The following STON1 variants were observed in gnomAD, a reference collection of about 807,000 sequenced individuals.
The protein encoded by STON1 is stonin 1.
In STON1, 79 loss-of-function variants were observed where a neutral mutation model predicts 60.9. The ratio of observed to expected loss-of-function variants is 1.30; its 90% CI spans 1.08 to 1.56. The LOEUF is 1.56. Ranked by LOEUF, STON1 falls within the 40% of genes most tolerant of loss-of-function variation. The pLI is 0.00. For missense variants in STON1, 1,166 were observed against 858.9 expected, an observed-to-expected ratio of 1.36 and a Z score of -4.47; for synonymous variants, 363 against 306.9, an observed-to-expected ratio of 1.18 and a Z score of -1.91.
intron 1 of STON1, among the ~76,000 whole-genome samples, chr2:48,564,733 C>CTTTCTTT (rs1553359517): frequency 1.8e-4 from 18 of 100,908 alleles, no homozygotes; most frequent in Non-Finnish European, 2.4e-4. Flanking sequence ...TTCTTTCTTT[C>CTTTCTTT]TTTTTTTTTT....
chr2:48,577,760 C>T (rs1025025004), intron 1 of STON1, among the ~76,000 whole-genome samples: 30 of 151,056 alleles, frequency 2.0e-4, no homozygotes, highest in African/African-American at 4.6e-4. Flanking sequence ...GGATTACAGG[C>T]GTCCACCACC....
In STON1 at chr2:48,535,858, G is replaced by T. The variant is rs145188930; in HGVS notation, c.-48+5642G>T. 1.1e-3 allele frequency among the ~76,000 whole-genome samples: 169 copies of T among 152,236 alleles called. 4 individuals carry two copies. In the East Asian group the frequency reaches 0.032, roughly 28 times the overall value. On this transcript the variant is annotated intron_variant, in intron 1 of 3. Coordinates refer to ENST00000404752, the MANE Select transcript of STON1 (RefSeq NM_006873.4). The stretch of plus-strand genomic sequence containing the variant: ...TCCCAGCACTTTGGGAGGCTGAGGC[G>T]GGCTGATCGCTTGAGCTCAGGAGTT...
At chr2:48,551,697 C>T (rs1399716164) in intron 1 of STON1, among the ~76,000 whole-genome samples, 1 of 152,246 alleles carries the variant, frequency 6.6e-6, no homozygotes. Context: ...TCTTGCCTTG[C>T]AAGGAGCATG....
intron 1 of STON1, among the ~76,000 whole-genome samples, chr2:48,578,826 A>G (rs574381307): frequency 1.0e-3 from 149 of 149,310 alleles, no homozygotes; most frequent in Non-Finnish European, 1.8e-3. Flanking sequence ...CCTGACCTCA[A>G]GTGATCTACC....
Position 48,581,887 on chromosome 2 carries a change from A to G in STON1, c.1254A>G (p.Glu418=), listed in dbSNP as rs987849077. The G allele has an allele frequency of 6.2e-7, 1 of 1,614,036 alleles. No homozygotes were observed. The highest frequency in any genetic ancestry group is 1.7e-5 in the Admixed American group (1 of 60,014). The part of the protein sequence containing the change: ...KNYEEQEISL[E]IVDNFWGKVT... The stretch of plus-strand genomic sequence containing the variant: ...ACGAGGAGCAAGAAATTTCCTTGGA[A>G]ATTGTGGACAACTTTTGGGGTAAAG... The change falls in exon 2 of 4, where the codon GAA becomes GAG. Residue 418 remains glutamate (E), a synonymous_variant. Coordinates refer to ENST00000404752, the MANE Select transcript of STON1 (RefSeq NM_006873.4).
At chr2:48,590,466 G>T (rs1211593379) in intron 2 of STON1, among the ~76,000 whole-genome samples, 1 of 152,138 alleles carries the variant, frequency 6.6e-6, no homozygotes, top group Non-Finnish European at 1.5e-5. Context: ...AGCTATGTCA[G>T]TGGTACAGTA....
chr2:48,564,429 T>C (rs894274937), intron 1 of STON1, among the ~76,000 whole-genome samples: 14 of 44,576 alleles, frequency 3.1e-4, no homozygotes, highest in African/African-American at 1.1e-3. Context: ...CTTCTTCTTC[T>C]TCTTCTTCTT....
At chr2:48,540,205 T>C (rs1465555951) in intron 1 of STON1, among the ~76,000 whole-genome samples, 1 of 152,178 alleles carries the variant, frequency 6.6e-6, no homozygotes, top group Non-Finnish European at 1.5e-5. Context: ...TGTTTTGAAG[T>C]GTTTGGATGG....
chr2:48,580,975 C>T lies in STON1; in HGVS notation c.342C>T (p.Leu114=), dbSNP rs763753184. 2.2e-5 allele frequency: 34 copies of T among 1,577,934 alleles called. No homozygotes were observed. The highest frequency in any genetic ancestry group is 3.4e-4 in the Middle Eastern group (2 of 5,876). The part of the protein sequence containing the change: ...PIPESSSDSP[L]AISGGESSLL... ...CAGAATCATCTTCAGACAGCCCACT[C>T]GCAATATCAGGAGGAGAATCTTCCT... The change falls in exon 2 of 4, where the codon CTC becomes CTT. Residue 114 remains leucine (L), a synonymous_variant. Transcript: ENST00000404752.
chr2:48,561,949 C>T (rs1314848442), intron 1 of STON1, among the ~76,000 whole-genome samples: 1 of 152,208 alleles, frequency 6.6e-6, no homozygotes, highest in African/African-American at 2.4e-5. Context: ...CAACCTCTGC[C>T]TCCCCGGTTC....
At position 48,578,581 on chromosome 2, in the gene STON1, C is replaced by CTTTTTTTT. The variant is rs59933765; in HGVS notation, c.-47-1988_-47-1981dup. Among the ~76,000 whole-genome samples, 9 of 46,168 alleles carry CTTTTTTTT rather than the reference C, an allele frequency of 1.9e-4. 1 individual carries two copies. The highest frequency in any genetic ancestry group is 2.5e-4 in the Non-Finnish European group (7 of 28,214). The allele number at this position is 46,168 out of a possible 152,430, so 30.3% of individuals were successfully genotyped here. On this transcript the variant is annotated intron_variant, in intron 1 of 3. Coordinates refer to ENST00000404752, the MANE Select transcript of STON1 (RefSeq NM_006873.4). ...CTTCTCCTCCTCCTCCTCCTCCTTC[C>CTTTTTTTT]TTTTTTTTTTTTTTTTTTTTTTTTT...
At position 48,581,222 on chromosome 2, in the gene STON1, A is replaced by G. The variant is rs145361751; in HGVS notation, c.589A>G (p.Thr197Ala). Reference protein sequence around the residue: ...WKDEGSDSHFTLDPPGSKKMF... With the variant: ...WKDEGSDSHFALDPPGSKKMF... ...AGATGAAGGCAGTGATTCCCATTTC[A>G]CCCTTGACCCACCAGGAAGCAAAAA... The change falls in exon 2 of 4, where the codon ACC (threonine) becomes GCC (alanine). Residue 197 changes from threonine (T) to alanine (A), a missense_variant. Thr to Ala is a moderately conservative substitution (Grantham distance 58). Coordinates refer to ENST00000404752, the MANE Select transcript of STON1 (RefSeq NM_006873.4). 20 of 1,519,044 alleles carry G rather than the reference A, an allele frequency of 1.3e-5. No individual in the cohort carries two copies. The African/African-American group carries it at 2.6e-4, about 20-fold the overall frequency. The allele number at this position is 1,519,044 out of a possible 1,614,324, so 94.1% of individuals were successfully genotyped here. A position where few individuals can be genotyped will look rare whatever the true frequency, so the allele number is the denominator to read the frequency against.
intron 1 of STON1, among the ~76,000 whole-genome samples, chr2:48,578,888 G>A (rs986442775): frequency 6.6e-6 from 1 of 151,814 alleles, no homozygotes; most frequent in Non-Finnish European, 1.5e-5. Context: ...ACTGTGCCTG[G>A]CCTTAATTCT....
intron 2 of STON1, among the ~76,000 whole-genome samples, chr2:48,590,853 T>G (rs1416554572): frequency 6.6e-6 from 1 of 152,158 alleles, no homozygotes; most frequent in Non-Finnish European, 1.5e-5. Flanking sequence ...TTTGGAAGGA[T>G]GAGTGAGAAT....
intron 2 of STON1, among the ~76,000 whole-genome samples, chr2:48,591,138 CTT>C (rs2103956432): frequency 6.6e-6 from 1 of 151,050 alleles, no homozygotes; most frequent in Admixed American, 6.6e-5. Flanking sequence ...TTACTCATAT[CTT>C]TTAATTAAGG....
intron 2 of STON1, among the ~76,000 whole-genome samples, chr2:48,586,455 C>G (rs1674210886): frequency 6.6e-6 from 1 of 152,174 alleles, no homozygotes; most frequent in Non-Finnish European, 1.5e-5. Flanking sequence ...CAGGCTTGGA[C>G]AAACATATGC....
intron 1 of STON1, among the ~76,000 whole-genome samples, chr2:48,557,841 G>A (rs1465884934): frequency 1.3e-5 from 2 of 152,198 alleles, no homozygotes; most frequent in Admixed American, 6.5e-5. Flanking sequence ...TATTTTTTGT[G>A]TGCTGAAGTT....
At chr2:48,575,155 T>C (rs1673410065) in intron 1 of STON1, among the ~76,000 whole-genome samples, 1 of 152,238 alleles carries the variant, frequency 6.6e-6, no homozygotes, top group Admixed American at 6.5e-5. Flanking sequence ...TAGCATAATG[T>C]GCTGAAGGTT....
intron 1 of STON1, among the ~76,000 whole-genome samples, chr2:48,570,156 G>A (rs1414539796): frequency 1.3e-5 from 2 of 152,112 alleles, no homozygotes; most frequent in Admixed American, 6.5e-5. Flanking sequence ...CCAACATGGC[G>A]AAACCCCATC....
Sources: allele counts gnomAD v4.1 joint callset (sites outside exome capture counted in the v4.1 genomes callset), GRCh38; gene constraint gnomAD v4.1.1; transcripts MANE v1.5; gene names NCBI Gene and HGNC (gene_info 2026-07-23, HGNC 2026-07-21).